ESYT1: variants seen among roughly 807,000 people sequenced by gnomAD.
ESYT1 encodes the protein extended synaptotagmin-1.
In ESYT1, 116 loss-of-function variants were observed where a neutral mutation model predicts 154.2. That is an observed-to-expected ratio of 0.75 (90% confidence interval 0.65 to 0.88). The LOEUF (loss-of-function observed/expected upper bound fraction) is 0.88, where lower values mean the gene tolerates loss of function less well. Among genes scored for constraint, ESYT1 ranks in the 40% least tolerant of loss-of-function variants. ESYT1 has a pLI of 0.00. For synonymous variants in ESYT1, 500 were observed against 539.9 expected, an observed-to-expected ratio of 0.93 and a Z score of 1.02; for missense variants, 1,264 against 1,379.3, an observed-to-expected ratio of 0.92 and a Z score of 1.32.
chr12:56,139,456 G>A, intron 24 of ESYT1, among the ~76,000 whole-genome samples: 1 of 151,864 alleles, frequency 6.6e-6, no homozygotes, highest in East Asian at 1.9e-4. Context: ...CTCTGTTTTG[G>A]GAGAAAAATA....
chr12:56,128,341 G>A lies in ESYT1; in HGVS notation c.22G>A (p.Gly8Ser). 6.2e-7 allele frequency: 1 copy of A among 1,611,582 alleles called. No homozygotes were observed. The highest frequency in any genetic ancestry group is 8.5e-7 in the Non-Finnish European group (1 of 1,179,338). ...CACAATGGAGCGATCTCCAGGAGAG[G>A]GCCCCAGCCCCAGCCCCATGGACCA... MERSPGE[G>S]PSPSPMDQPS... Residue 8 changes from glycine to serine, a missense_variant, in exon 1 of 31, where the codon GGC becomes AGC. Physicochemically the swap from Gly to Ser is moderately conservative, Grantham distance 56. Coordinates refer to ENST00000394048, the MANE Select transcript of ESYT1 (RefSeq NM_015292.3).
At chr12:56,135,094 TTC>T (rs1870395255) in intron 15 of ESYT1, among the ~76,000 whole-genome samples, 1 of 151,974 alleles carries the variant, frequency 6.6e-6, no homozygotes, top group Non-Finnish European at 1.5e-5. Flanking sequence ...ACAAAAATTA[TTC>T]TGAGGCTGGG....
intron 15 of ESYT1, 89 bp from the exon 16 acceptor site, chr12:56,136,655 G>C: frequency 1.6e-6 from 2 of 1,227,850 alleles, no homozygotes; most frequent in South Asian, 1.6e-5. Context: ...GTACAGAGAG[G>C]AATGAAGTTG....
rs1276772643 is a variant in ESYT1 at position 56,143,929 on chromosome 12, T to A, written c.*67T>A. 12 of 1,610,814 alleles carry A rather than the reference T, an allele frequency of 7.4e-6. No homozygotes were observed. The highest frequency in any genetic ancestry group is 3.3e-5 in the Admixed American group (2 of 59,990). On this transcript the variant is annotated 3_prime_UTR_variant, in exon 31 of 31. Transcript: ENST00000394048. ...TCGTCTCGCTCCATCACCGCCTCAA[T>A]GTGATGAGCCTAAAGCTAGGGTCCA...
chr12:56,136,590 C>CAAA (rs944160332), intron 15 of ESYT1, among the ~76,000 whole-genome samples, 154 bp from the exon 16 acceptor site: 5 of 58,220 alleles, frequency 8.6e-5, no homozygotes, highest in African/African-American at 1.8e-4. Context: ...GACTCTGTCT[C>CAAA]AAAAAAAAAA....
intron 1 of ESYT1, chr12:56,128,950 T>G: frequency 1.8e-6 from 1 of 546,844 alleles, no homozygotes; most frequent in Non-Finnish European, 3.3e-6. Context: ...TCAGGACTTC[T>G]TCCTCTACTT....
rs754209990 is a variant in ESYT1, at chr12:56,132,424, A to G, written c.988A>G (p.Ile330Val). Residue 330 changes from isoleucine (I) to valine (V), a missense_variant, in exon 9 of 31, where the codon ATT (isoleucine) becomes GTT (valine). Coordinates refer to ENST00000394048, the MANE Select transcript of ESYT1 (RefSeq NM_015292.3). ...AQLRSPLPRG[I>V]IRIHLLAARG... ...ACCATCTGATTCCTTCCTCCAGGGC[A>G]TTATTCGAATTCACCTGCTGGCTGC... The G allele has an allele frequency of 2.5e-6, 4 of 1,614,068 alleles. No individual in the cohort carries two copies. In the South Asian group the frequency reaches 4.4e-5, roughly 18 times the overall value.
intron 1 of ESYT1, 54 bp downstream of exon 1, chr12:56,128,763 A>G (rs1412867598): frequency 6.3e-7 from 1 of 1,599,318 alleles, no homozygotes; most frequent in East Asian, 2.2e-5. Flanking sequence ...CACCCCTTCC[A>G]TCTGGGGCTT....
chr12:56,137,908 T>G lies in ESYT1; in HGVS notation c.2192T>G (p.Leu731Arg). Residue 731 changes from leucine to arginine, a missense_variant, in exon 19 of 31, where the codon CTG becomes CGG. Leu to Arg is a moderately radical substitution (Grantham distance 102). Coordinates refer to ENST00000394048, the MANE Select transcript of ESYT1 (RefSeq NM_015292.3). ...FDKDLDKDDFLGRCKVRLTTV... is the reference protein window; with the variant it reads ...FDKDLDKDDFRGRCKVRLTTV... Reference sequence around the variant, plus strand: ...AAGGACTTGGACAAGGATGATTTTCTGGGCAGGTGAGAGCATAGGAGTCTA... The same window carrying G: ...AAGGACTTGGACAAGGATGATTTTCGGGGCAGGTGAGAGCATAGGAGTCTA... 1.2e-6 allele frequency: 2 copies of G among 1,614,230 alleles called. No homozygotes were observed. Among genetic ancestry groups the G allele is most frequent in the Non-Finnish European group, 1.7e-6 (2 of 1,180,036 alleles).
chr12:56,142,225 C>G lies in ESYT1; in HGVS notation c.2593-60C>G. 6.3e-7 allele frequency: 1 copy of G among 1,589,550 alleles called. No homozygotes were observed. Among genetic ancestry groups the G allele is most frequent in the Non-Finnish European group, 8.6e-7 (1 of 1,164,254 alleles). ...TCCAAGCGTTTGGACCTTTAAAACA[C>G]CAGGATTAACTCATTTGTTGATGCA... is the stretch of plus-strand genomic sequence containing the variant. On this transcript the variant is annotated intron_variant, in intron 24 of 30. Coordinates refer to ENST00000394048, the MANE Select transcript of ESYT1 (RefSeq NM_015292.3). The surrounding 1 kb of genome is among the most constrained non-coding windows in gnomAD (Gnocchi z 4.1).
At chr12:56,143,685 A>G in intron 30 of ESYT1, 56 bp downstream of exon 30, 1 of 1,612,322 alleles carries the variant, frequency 6.2e-7, no homozygotes, top group South Asian at 1.1e-5. Flanking sequence ...AGAAATTCCA[A>G]TCACAGGAAA....
Position 56,143,042 on chromosome 12 carries a change from C to T in ESYT1, c.3013C>T (p.Pro1005Ser), listed in dbSNP as rs747000310. Residue 1005 changes from proline to serine, a missense_variant, in exon 28 of 31, where the codon CCT (proline) becomes TCT (serine). By Grantham distance (74) the Pro-to-Ser change is moderately conservative. Coordinates refer to ENST00000394048, the MANE Select transcript of ESYT1 (RefSeq NM_015292.3). Reference sequence around the variant, plus strand: ...GTCCCTTCGACAGAATGGACGTGATCCTCCTGATCCCTATGTGTCACTGTT... The same window carrying T: ...GTCCCTTCGACAGAATGGACGTGATTCTCCTGATCCCTATGTGTCACTGTT... ...CRSLRQNGRD[P>S]PDPYVSLLLL... 55 of 1,614,068 alleles carry T rather than the reference C, an allele frequency of 3.4e-5. No individual in the cohort carries two copies. The highest frequency in any genetic ancestry group is 4.4e-5 in the Non-Finnish European group (52 of 1,180,040).
At position 56,144,368 on chromosome 12, in the gene ESYT1, G is replaced by C; in HGVS notation, c.*506G>C. On this transcript the variant is annotated 3_prime_UTR_variant, in exon 31 of 31. Transcript: ENST00000394048. ...AGCTCAGGCCCCCATGTCCAGTTCTGTCCCCACTGTCCTCAACCCTGTCCT... is the reference window on the plus strand; with the variant it reads ...AGCTCAGGCCCCCATGTCCAGTTCTCTCCCCACTGTCCTCAACCCTGTCCT... 1 of 1,000,718 alleles carries C rather than the reference G, an allele frequency of 1.0e-6. No homozygotes were observed. Among genetic ancestry groups the C allele is most frequent in the African/African-American group, 1.7e-5 (1 of 57,600 alleles). The allele number at this position is 1,000,718 out of a possible 1,614,324, so 62.0% of individuals were successfully genotyped here.
chr12:56,139,519 A>T (rs1216411334), intron 24 of ESYT1, among the ~76,000 whole-genome samples: 1 of 152,068 alleles, frequency 6.6e-6, no homozygotes, highest in Non-Finnish European at 1.5e-5. Flanking sequence ...TGTGGGGAAG[A>T]AAGGAAGGGT....
intron 24 of ESYT1, among the ~76,000 whole-genome samples, chr12:56,141,782 T>A (rs1184272970): frequency 6.6e-6 from 1 of 151,674 alleles, no homozygotes; most frequent in Non-Finnish European, 1.5e-5. Flanking sequence ...GAGGTAAAGA[T>A]GGTCCACTCT....
Position 56,133,438 on chromosome 12 carries a change from G to A in ESYT1, c.1266G>A (p.Lys422=). The change falls in exon 11 of 31, where the codon AAG becomes AAA. Residue 422 remains lysine, a synonymous_variant. Transcript: ENST00000394048. ...FLGRMKLDVG[K]VLQASVLDDW... Reference sequence around the variant, plus strand: ...TCAGAATGAAGCTGGATGTAGGGAAGGTGTTACAGGCTAGCGTTCTGGATG... The same window carrying A: ...TCAGAATGAAGCTGGATGTAGGGAAAGTGTTACAGGCTAGCGTTCTGGATG... 1 of 1,614,220 alleles carries A rather than the reference G, an allele frequency of 6.2e-7. No individual in the cohort carries two copies. The highest frequency in any genetic ancestry group is 8.5e-7 in the Non-Finnish European group (1 of 1,180,046).
Position 56,142,243 on chromosome 12 carries a change from T to C in ESYT1, c.2593-42T>C. The stretch of plus-strand genomic sequence containing the variant: ...TAAAACACCAGGATTAACTCATTTG[T>C]TGATGCATTCGCCTCTTGATCATGG... On this transcript the variant is annotated intron_variant, in intron 24 of 30. Transcript: ENST00000394048. This position sits in a 1 kb window ranked among gnomAD's most constrained non-coding sequence, Gnocchi z 4.1. The C allele has an allele frequency of 2.5e-6, 4 of 1,607,428 alleles. No individual in the cohort carries two copies. The highest frequency in any genetic ancestry group is 1.1e-5 in the South Asian group (1 of 90,466).
intron 7 of ESYT1, 82 bp from the exon 8 acceptor site, chr12:56,132,127 C>G (rs1234118486): frequency 6.2e-7 from 1 of 1,603,998 alleles, no homozygotes; most frequent in Non-Finnish European, 8.5e-7. Context: ...TTAGGTCTCT[C>G]TTGGGTGTGG....
chr12:56,143,210 C>T lies in ESYT1; in HGVS notation c.3120-18C>T. On this transcript the variant is annotated intron_variant, in intron 28 of 30. Coordinates refer to ENST00000394048, the MANE Select transcript of ESYT1 (RefSeq NM_015292.3). ...CTTGGAAAGGACTCCTGGCCCCTAA[C>T]ATCCAGTCCTACCCCAGGTTTGAGT... 1 of 1,614,168 alleles carries T rather than the reference C, an allele frequency of 6.2e-7. No individual in the cohort carries two copies. Among genetic ancestry groups the T allele is most frequent in the Non-Finnish European group, 8.5e-7 (1 of 1,180,014 alleles).
Sources: gnomAD v4.1 joint callset for allele counts (sites outside exome capture counted in the v4.1 genomes callset) on GRCh38, gnomAD v4.1.1 for gene constraint, Gnocchi (gnomAD v3.1) non-coding constraint, MANE v1.5 for transcripts, NCBI Gene and HGNC (gene_info 2026-07-23, HGNC 2026-07-21) for gene names.